GRID1: variants seen among roughly 807,000 people sequenced by gnomAD.
GRID1 encodes glutamate receptor ionotropic, delta-1.
A neutral mutation model predicts 98.0 loss-of-function variants in GRID1; 28 were observed. The observed-to-expected ratio is 0.29, with a 90% CI of 0.21 to 0.39. The LOEUF (loss-of-function observed/expected upper bound fraction) is 0.39, where lower values mean the gene tolerates loss of function less well. Ranked by LOEUF, GRID1 falls within the 10% of genes least tolerant of loss-of-function variation. The pLI, the probability that GRID1 is intolerant of heterozygous loss-of-function variation, is 1.00. For missense variants in GRID1, 1,111 were observed against 1,340.5 expected (o/e 0.83, Z 2.67); for synonymous variants, 553 against 538.5 (o/e 1.03, Z -0.37).
At chr10:85,633,606 G>A (rs1842999344) in intron 13 of GRID1, among the ~76,000 whole-genome samples, 1 of 152,118 alleles carries the variant, frequency 6.6e-6, no homozygotes, top group South Asian at 2.1e-4. Context: ...TAATATTAAC[G>A]AACATCCCTT....
At chr10:85,991,448 T>C (rs1347413537) in intron 4 of GRID1, among the ~76,000 whole-genome samples, 2 of 151,696 alleles carry the variant, frequency 1.3e-5, no homozygotes, top group African/African-American at 4.8e-5. Flanking sequence ...AATGTGCAAG[T>C]ACTTGAAGCC....
At chr10:86,106,206 C>G (rs111940443) in intron 4 of GRID1, among the ~76,000 whole-genome samples, 150 of 151,932 alleles carry the variant, frequency 9.9e-4, no homozygotes, top group African/African-American at 3.5e-3. Context: ...CACTGAACAC[C>G]GTCAAAAAAA....
At chr10:86,043,551 C>G (rs1408249470) in intron 4 of GRID1, among the ~76,000 whole-genome samples, 1 of 152,154 alleles carries the variant, frequency 6.6e-6, no homozygotes, top group African/African-American at 2.4e-5. Flanking sequence ...CCTGGAGGAG[C>G]AGGAAAGGGC....
At chr10:85,711,723 G>T (rs1226185405) in intron 12 of GRID1, among the ~76,000 whole-genome samples, 1 of 151,554 alleles carries the variant, frequency 6.6e-6, no homozygotes, top group African/African-American at 2.4e-5. Flanking sequence ...AACTTGTGAA[G>T]TTTATTCAAC....
chr10:85,971,102 A>T (rs1421350277), intron 4 of GRID1, among the ~76,000 whole-genome samples: 1 of 152,058 alleles, frequency 6.6e-6, no homozygotes, highest in African/African-American at 2.4e-5. Flanking sequence ...TGAAAAGGAA[A>T]TCAAATTTAG....
chr10:85,915,799 T>C (rs1043466066), intron 5 of GRID1, among the ~76,000 whole-genome samples: 3 of 152,146 alleles, frequency 2.0e-5, no homozygotes, highest in Non-Finnish European at 2.9e-5. Flanking sequence ...CTTACCATCT[T>C]GCATGAAATT....
rs540060670 is a variant in GRID1, at chr10:85,873,285, G to A, written c.781-4105C>T. 3.3e-5 allele frequency among the ~76,000 whole-genome samples: 5 copies of A among 152,158 alleles called. No individual in the cohort carries two copies. The East Asian group carries it at 9.6e-4, about 29-fold the overall frequency. ...TTCTTGGAAAACAAACTTTCCCTTT[G>A]TCCTGGGCAAAGATTCCCTCCAGTA... On this transcript the variant is annotated intron_variant, in intron 5 of 15. Coordinates refer to ENST00000327946, the MANE Select transcript of GRID1 (RefSeq NM_017551.3).
chr10:86,245,448 A>G, intron 2 of GRID1, among the ~76,000 whole-genome samples: 1 of 149,204 alleles, frequency 6.7e-6, no homozygotes, highest in Non-Finnish European at 1.5e-5. Context: ...GCTTTACTCC[A>G]TTCCTCCTCT....
intron 2 of GRID1, among the ~76,000 whole-genome samples, chr10:86,323,904 C>G (rs1409045139): frequency 6.6e-6 from 1 of 152,198 alleles, no homozygotes; most frequent in African/African-American, 2.4e-5. Context: ...TGAGGCCCAG[C>G]ATGGTGGCTC....
intron 3 of GRID1, among the ~76,000 whole-genome samples, chr10:86,147,333 G>A (rs10887559): frequency 0.42 from 64,317 of 152,036 alleles, 16,544 homozygotes; most frequent in African/African-American, 0.72. Flanking sequence ...TTTAACTTTT[G>A]TTTTAGTTTC....
At chr10:86,248,045 T>C (rs187911418) in intron 2 of GRID1, among the ~76,000 whole-genome samples, 10 of 152,266 alleles carry the variant, frequency 6.6e-5, no homozygotes, top group East Asian at 5.8e-4. Context: ...AGGGGCCCAA[T>C]AGAGGGAGCT....
intron 8 of GRID1, among the ~76,000 whole-genome samples, chr10:85,746,232 C>T (rs552043803): frequency 1.3e-5 from 2 of 152,250 alleles, no homozygotes; most frequent in African/African-American, 4.8e-5. Flanking sequence ...ATGATAAGAT[C>T]CTAGACTTTG....
chr10:85,877,437 C>T (rs1013893628), intron 5 of GRID1, among the ~76,000 whole-genome samples: 15 of 152,152 alleles, frequency 9.9e-5, no homozygotes, highest in East Asian at 3.9e-4. Context: ...GCAGCATTTG[C>T]GGGTCACCAA....
At chr10:86,247,290 T>C (rs1366946280) in intron 2 of GRID1, among the ~76,000 whole-genome samples, 3 of 146,224 alleles carry the variant, frequency 2.1e-5, no homozygotes, top group Non-Finnish European at 4.5e-5. Context: ...GATAGACGGA[T>C]GGATGGATGG....
intron 8 of GRID1, among the ~76,000 whole-genome samples, chr10:85,737,525 A>T (rs1841895187): frequency 6.6e-6 from 1 of 151,608 alleles, no homozygotes; most frequent in South Asian, 2.1e-4. Flanking sequence ...CAACTCCAAT[A>T]ATGCCATCAG....
chr10:86,181,560 G>T (rs1471510712), intron 3 of GRID1, among the ~76,000 whole-genome samples: 1 of 152,218 alleles, frequency 6.6e-6, no homozygotes, highest in African/African-American at 2.4e-5. Flanking sequence ...TGTGCCCATG[G>T]ACACCTGAGG....
chr10:85,726,412 C>A (rs1431356344), intron 10 of GRID1, among the ~76,000 whole-genome samples: 2 of 152,142 alleles, frequency 1.3e-5, no homozygotes, highest in Non-Finnish European at 2.9e-5. Flanking sequence ...GTTTCTAAAG[C>A]AATCTGGACA....
intron 9 of GRID1, 81 bp downstream of exon 9, chr10:85,729,432 C>A (rs1204560978): frequency 1.3e-6 from 1 of 766,726 alleles, no homozygotes; most frequent in Non-Finnish European, 2.3e-6. Flanking sequence ...TCTCCCCAAA[C>A]CCAGCATTAA....
Position 85,781,107 on chromosome 10 carries a change from C to T in GRID1, c.1234-51493G>A, listed in dbSNP as rs911369498. Among the ~76,000 whole-genome samples, 5 of 152,238 alleles carry T rather than the reference C, an allele frequency of 3.3e-5. No individual in the cohort carries two copies. In the South Asian group the frequency reaches 6.2e-4, roughly 19 times the overall value. On this transcript the variant is annotated intron_variant, in intron 8 of 15. Coordinates refer to ENST00000327946, the MANE Select transcript of GRID1 (RefSeq NM_017551.3). ...AATCTCTACAGAGTTTTGGAGGGCT[C>T]GCCTGATCTCCCCAACCAGAAGGGG...
Sources: gnomAD v4.1 joint callset for allele counts (sites outside exome capture counted in the v4.1 genomes callset) on GRCh38, gnomAD v4.1.1 for gene constraint, MANE v1.5 for transcripts, NCBI Gene and HGNC (gene_info 2026-07-23, HGNC 2026-07-21) for gene names.